RYR2: variants seen among roughly 807,000 people sequenced by gnomAD.
RYR2 encodes the protein cardiac muscle ryanodine receptor-calcium release channel.
In RYR2, 227 loss-of-function variants were observed where a neutral mutation model predicts 601.1. The observed-to-expected ratio is 0.38, with a 90% CI of 0.34 to 0.42. RYR2 has a LOEUF of 0.42. Ranked by LOEUF, RYR2 falls within the 10% of genes least tolerant of loss-of-function variation. RYR2 has a pLI of 1.00. For synonymous variants in RYR2, 2,223 were observed against 2,175.1 expected, an observed-to-expected ratio of 1.02 and a Z score of -0.61; for missense variants, 4,646 against 6,156.5, an observed-to-expected ratio of 0.75 and a Z score of 8.21.
At chr1:237,472,457 C>T (rs897998901) in intron 17 of RYR2, among the ~76,000 whole-genome samples, 2 of 152,000 alleles carry the variant, frequency 1.3e-5, no homozygotes, top group African/African-American at 4.8e-5. Context: ...TGAAACACCT[C>T]GTTTACCATT....
intron 73 of RYR2, among the ~76,000 whole-genome samples, chr1:237,719,038 C>A (rs1573656619): frequency 6.6e-6 from 1 of 152,130 alleles, no homozygotes; most frequent in Middle Eastern, 3.4e-3. Context: ...CTGAGGCAGG[C>A]AAATCACTTG....
At chr1:237,548,347 T>G in intron 25 of RYR2, 84 bp from the exon 26 acceptor site, 1 of 1,420,376 alleles carries the variant, frequency 7.0e-7, no homozygotes, top group Non-Finnish European at 9.7e-7. Flanking sequence ...AGAACAGTAA[T>G]GAGGTAGGGC....
chr1:237,493,674 G>C (rs568087809), intron 19 of RYR2, among the ~76,000 whole-genome samples: 6 of 152,114 alleles, frequency 3.9e-5, no homozygotes, highest in East Asian at 1.9e-4. Flanking sequence ...GGATGGTCTC[G>C]AACTCCTGAC....
At chr1:237,562,558 C>G (rs1671564119) in intron 27 of RYR2, among the ~76,000 whole-genome samples, 1 of 152,048 alleles carries the variant, frequency 6.6e-6, no homozygotes, top group Non-Finnish European at 1.5e-5. Context: ...CAGTCCTTGG[C>G]CTTAATCTTG....
At chr1:237,474,199 A>ATGTGTG (rs1196821377) in intron 17 of RYR2, among the ~76,000 whole-genome samples, 40 of 107,806 alleles carry the variant, frequency 3.7e-4, no homozygotes, top group East Asian at 1.3e-3. Context: ...ACGTGTGTAT[A>ATGTGTG]TATGTGTGTG....
rs186512434 is a variant in RYR2 at position 237,743,996 on chromosome 1, T to C, written c.11145+1647T>C. Reference sequence around the variant, plus strand: ...GTTTTTCAACACCAGTTTTATTACTTGAAAACAGACATGATAAATGGTATT... The same window carrying C: ...GTTTTTCAACACCAGTTTTATTACTCGAAAACAGACATGATAAATGGTATT... On this transcript the variant is annotated intron_variant, in intron 80 of 104. Coordinates refer to ENST00000366574, the MANE Select transcript of RYR2 (RefSeq NM_001035.3). 1.5e-3 allele frequency among the ~76,000 whole-genome samples: 224 copies of C among 152,262 alleles called. 2 individuals carry two copies. The highest frequency in any genetic ancestry group is 3.5e-4 in the Non-Finnish European group (24 of 68,028).
chr1:237,127,779 A>AGACAAT (rs1373539176), intron 1 of RYR2, among the ~76,000 whole-genome samples: 7 of 146,936 alleles, frequency 4.8e-5, no homozygotes, highest in Admixed American at 2.0e-4. Flanking sequence ...CTCACATCCC[A>AGACAAT]GACAATGGGC....
intron 34 of RYR2, among the ~76,000 whole-genome samples, chr1:237,598,726 A>T (rs1318687981): frequency 1.3e-5 from 2 of 152,212 alleles, no homozygotes; most frequent in Non-Finnish European, 2.9e-5. Flanking sequence ...TAAACCACCT[A>T]ATATTGCACC....
chr1:237,755,186 A>T lies in RYR2; in HGVS notation c.11146-1102A>T, dbSNP rs1342778008. On this transcript the variant is annotated intron_variant, in intron 80 of 104. Transcript: ENST00000366574. The stretch of plus-strand genomic sequence containing the variant: ...TTTCTTTTTTCATTTGTTTGAGCCC[A>T]TTTCTTTTCCCCCTCCTTTTAGTTC... The T allele has an allele frequency of 3.1e-6, 3 of 966,130 alleles. No individual in the cohort carries two copies. The Admixed American group carries it at 1.0e-4, about 33-fold the overall frequency. 59.8% of individuals were successfully genotyped at this position (966,130 alleles called of 1,614,324 possible). A position where few individuals can be genotyped will look rare whatever the true frequency, so the allele number is the denominator to read the frequency against.
intron 2 of RYR2, among the ~76,000 whole-genome samples, chr1:237,294,801 G>A (rs1484672870): frequency 6.6e-6 from 1 of 152,126 alleles, no homozygotes; most frequent in African/African-American, 2.4e-5. Flanking sequence ...TTGCAGGAAG[G>A]GTTGCTTAAC....
In RYR2 at chr1:237,674,101, G is replaced by A; in HGVS notation, c.8596G>A (p.Gly2866Arg). 2 of 1,611,614 alleles carry A rather than the reference G, an allele frequency of 1.2e-6. No homozygotes were observed. Among genetic ancestry groups the A allele is most frequent in the Non-Finnish European group, 1.7e-6 (2 of 1,178,060 alleles). Residue 2866 changes from glycine to arginine, a missense_variant, in exon 59 of 105, where the codon GGA (glycine) becomes AGA (arginine). Transcript: ENST00000366574. ...TTGTCCTGACATACTCTTAGGAGGA[G>A]GAAACCATCCTCTGCTGGTGCCCTA... Reference protein sequence around the residue: ...KKMELESKGGGNHPLLVPYDT... With the variant: ...KKMELESKGGRNHPLLVPYDT...
intron 1 of RYR2, among the ~76,000 whole-genome samples, chr1:237,241,547 G>C (rs984547403): frequency 6.6e-6 from 1 of 152,172 alleles, no homozygotes; most frequent in Admixed American, 6.5e-5. Context: ...ACGCAGGAAA[G>C]AATTCAAGAG....
intron 12 of RYR2, among the ~76,000 whole-genome samples, chr1:237,435,207 T>TA (rs1359056693): frequency 2.6e-5 from 4 of 152,238 alleles, no homozygotes. Flanking sequence ...GTGAATAACT[T>TA]ACTATGTGTC....
At chr1:237,090,630 CAGGAAACTAATAA>C (rs371929317) in intron 1 of RYR2, among the ~76,000 whole-genome samples, 166 of 152,316 alleles carry the variant, frequency 1.1e-3, no homozygotes, top group Middle Eastern at 3.4e-3. Flanking sequence ...ACAGCAGCAA[CAGGAAACTAATAA>C]AGGAAACTAA....
intron 55 of RYR2, among the ~76,000 whole-genome samples, chr1:237,660,503 T>C (rs1170367316): frequency 1.3e-5 from 2 of 152,090 alleles, no homozygotes; most frequent in African/African-American, 4.8e-5. Context: ...TCATTGTGAG[T>C]CACATGTATA....
intron 74 of RYR2, among the ~76,000 whole-genome samples, chr1:237,723,605 T>A (rs1009778192): frequency 7.2e-5 from 11 of 152,170 alleles, no homozygotes; most frequent in African/African-American, 2.4e-4. Flanking sequence ...CATACTTCAT[T>A]TTTTAATATT....
At chr1:237,307,088 G>A (rs892409131) in intron 2 of RYR2, among the ~76,000 whole-genome samples, 3 of 152,196 alleles carry the variant, frequency 2.0e-5, no homozygotes, top group South Asian at 4.1e-4. Context: ...ATCCCATTTC[G>A]TGGGCTGTAT....
At chr1:237,300,597 A>G (rs1022117437) in intron 2 of RYR2, among the ~76,000 whole-genome samples, 2 of 152,112 alleles carry the variant, frequency 1.3e-5, no homozygotes, top group African/African-American at 2.4e-5. Flanking sequence ...GCTGACTTTC[A>G]TGAGTTGCTG....
chr1:237,793,793 T>C, intron 94 of RYR2, 74 bp from the exon 95 acceptor site: 1 of 1,192,986 alleles, frequency 8.4e-7, no homozygotes, highest in Non-Finnish European at 1.2e-6. Context: ...CAAAAGCTGT[T>C]TTGTAAAGAT....
Sources: allele counts gnomAD v4.1 joint callset (sites outside exome capture counted in the v4.1 genomes callset), GRCh38; gene constraint gnomAD v4.1.1; transcripts MANE v1.5; gene names NCBI Gene and HGNC (gene_info 2026-07-23, HGNC 2026-07-21).